WBP1L: variants seen among roughly 807,000 people sequenced by gnomAD.
WBP1L encodes the protein WW domain binding protein 1 like, also known as WW domain binding protein 1-like.
In WBP1L, 17 loss-of-function variants were observed where a neutral mutation model predicts 33.7. The observed-to-expected ratio is 0.50, with a 90% CI of 0.34 to 0.76. The LOEUF (loss-of-function observed/expected upper bound fraction) is 0.76. WBP1L is among the 30% of genes least tolerant of loss of function. The probability of loss-of-function intolerance (pLI) is 0.01; values close to 1 mark genes in which losing one functional copy is unlikely to be tolerated. For missense variants in WBP1L, 389 were observed against 469.4 expected (o/e 0.83, Z 1.58); for synonymous variants, 173 against 190.8 (o/e 0.91, Z 0.77).
intron 3 of WBP1L, among the ~76,000 whole-genome samples, chr10:102,810,417 CCCTGCCTG>C (rs201089631): frequency 8.7e-6 from 1 of 114,506 alleles, no homozygotes; most frequent in African/African-American, 3.2e-5. Flanking sequence ...TTCTTTCTTT[CCCTGCCTG>C]CCTGCCTTTC....
chr10:102,802,283 G>A (rs1345439801), intron 2 of WBP1L, among the ~76,000 whole-genome samples: 3 of 149,374 alleles, frequency 2.0e-5, no homozygotes, highest in African/African-American at 2.5e-5. Flanking sequence ...CTGGGACTAT[G>A]AGTATGTGCC....
At chr10:102,763,129 G>C (rs901516596) in intron 1 of WBP1L, among the ~76,000 whole-genome samples, 1 of 150,550 alleles carries the variant, frequency 6.6e-6, no homozygotes, top group African/African-American at 2.5e-5. Flanking sequence ...ACTTGAGACT[G>C]GGAGGCAGAG....
At chr10:102,779,844 G>A (rs1345736829) in intron 1 of WBP1L, among the ~76,000 whole-genome samples, 1 of 152,240 alleles carries the variant, frequency 6.6e-6, no homozygotes. Context: ...AGGCTTTCCT[G>A]AGAAGCCGAT....
intron 1 of WBP1L, among the ~76,000 whole-genome samples, chr10:102,762,205 A>G (rs1444827157): frequency 6.6e-6 from 1 of 152,128 alleles, no homozygotes; most frequent in Non-Finnish European, 1.5e-5. Context: ...TCAAAAAATG[A>G]AGAAGTAAAA....
Position 102,812,724 on chromosome 10 carries a change from G to T in WBP1L, c.485G>T (p.Gly162Val). 1 of 1,613,980 alleles carries T rather than the reference G, an allele frequency of 6.2e-7. No individual in the cohort carries two copies. The highest frequency in any genetic ancestry group is 1.3e-5 in the African/African-American group (1 of 75,036). Residue 162 changes from glycine (G) to valine (V), a missense_variant, in exon 4 of 4, where the codon GGT becomes GTT. Physicochemically the swap from Gly to Val is moderately radical, Grantham distance 109. Coordinates refer to ENST00000448841, the MANE Select transcript of WBP1L (RefSeq NM_001083913.2). ...QLLPPQCGPA[G>V]GSPPGIDPTR... Reference sequence around the variant, plus strand: ...CTGCCTCCACAGTGTGGCCCTGCAGGTGGCAGTCCCCCGGGCATCGATCCC... The same window carrying T: ...CTGCCTCCACAGTGTGGCCCTGCAGTTGGCAGTCCCCCGGGCATCGATCCC...
At chr10:102,797,952 G>T in intron 1 of WBP1L, 41 bp from the exon 2 acceptor site, 1 of 1,563,636 alleles carries the variant, frequency 6.4e-7, no homozygotes, top group Non-Finnish European at 8.8e-7. Flanking sequence ...GTGTTCAAAA[G>T]CTGTCATTTA....
intron 1 of WBP1L, among the ~76,000 whole-genome samples, chr10:102,761,337 C>T (rs1357681256): frequency 6.7e-6 from 1 of 149,540 alleles, no homozygotes; most frequent in East Asian, 2.0e-4. Context: ...ATGGGGTTTT[C>T]CTGTGTTGAT....
At chr10:102,811,673 G>A (rs1843844795) in intron 3 of WBP1L, among the ~76,000 whole-genome samples, 1 of 152,050 alleles carries the variant, frequency 6.6e-6, no homozygotes, top group Non-Finnish European at 1.5e-5. Flanking sequence ...ATCACACCTA[G>A]CTAATGTTTG....
At chr10:102,784,961 C>T (rs959334425) in intron 1 of WBP1L, among the ~76,000 whole-genome samples, 1 of 151,488 alleles carries the variant, frequency 6.6e-6, no homozygotes, top group African/African-American at 2.4e-5. Context: ...ACTGCAACCT[C>T]CGCCTCCAGG....
intron 2 of WBP1L, among the ~76,000 whole-genome samples, chr10:102,801,620 A>G (rs1250882207): frequency 2.0e-5 from 3 of 152,042 alleles, no homozygotes; most frequent in Admixed American, 6.6e-5. Context: ...CCACTCAGCA[A>G]GCTACATTTT....
At chr10:102,783,652 G>T (rs570272826) in intron 1 of WBP1L, among the ~76,000 whole-genome samples, 1 of 152,356 alleles carries the variant, frequency 6.6e-6, no homozygotes, top group African/African-American at 2.4e-5. Flanking sequence ...GGGATATTTG[G>T]CAGTGTCCAG....
At chr10:102,784,526 C>T (rs531058905) in intron 1 of WBP1L, among the ~76,000 whole-genome samples, 18 of 150,118 alleles carry the variant, frequency 1.2e-4, no homozygotes, top group Non-Finnish European at 2.4e-4. Context: ...CCTGGGTTCA[C>T]GCCTTTCTCC....
intron 1 of WBP1L, among the ~76,000 whole-genome samples, chr10:102,775,765 G>T (rs764417037): frequency 2.0e-5 from 3 of 152,132 alleles, no homozygotes; most frequent in African/African-American, 2.4e-5. Context: ...ACTGAGCACC[G>T]ACTCTGGCAG....
intron 1 of WBP1L, among the ~76,000 whole-genome samples, chr10:102,795,498 C>G (rs532950408): frequency 6.6e-6 from 1 of 152,314 alleles, no homozygotes; most frequent in South Asian, 2.1e-4. Context: ...CCCCCTGCCT[C>G]GGTGCACAGA....
At chr10:102,771,664 TG>T (rs1321577714) in intron 1 of WBP1L, among the ~76,000 whole-genome samples, 1 of 151,766 alleles carries the variant, frequency 6.6e-6, no homozygotes, top group Non-Finnish European at 1.5e-5. Flanking sequence ...AAAAATTAGC[TG>T]GGAGTGGTGG....
chr10:102,807,416 TTGCCAGGCTG>T (rs1181242421), intron 2 of WBP1L, among the ~76,000 whole-genome samples: 3 of 152,068 alleles, frequency 2.0e-5, no homozygotes, highest in Non-Finnish European at 2.9e-5. Flanking sequence ...TCTCACTCGG[TTGCCAGGCTG>T]GAGTGCAGTG....
rs547685939 is a variant in WBP1L at position 102,771,873 on chromosome 10, G to T, written c.91-26120G>T. Among the ~76,000 whole-genome samples, 7 of 152,232 alleles carry T rather than the reference G, an allele frequency of 4.6e-5. 1 individual carries two copies. Among genetic ancestry groups the T allele is most frequent in the African/African-American group, 1.7e-4 (7 of 41,536 alleles). On this transcript the variant is annotated intron_variant, in intron 1 of 3. Transcript: ENST00000448841. ...TATTTCCAGCAGTACTATCTCTGGG[G>T]GTTCTCTGAATTGCAGAGGAGGAGA...
At chr10:102,755,376 C>A (rs1160494564) in intron 1 of WBP1L, among the ~76,000 whole-genome samples, 1 of 151,894 alleles carries the variant, frequency 6.6e-6, no homozygotes, top group East Asian at 1.9e-4. Flanking sequence ...TCTGCCTTAG[C>A]CTCCTGAGTA....
chr10:102,746,608 T>C (rs1462775360), intron 1 of WBP1L, among the ~76,000 whole-genome samples: 1 of 64,568 alleles, frequency 1.5e-5, no homozygotes, highest in Non-Finnish European at 3.5e-5. Context: ...TTGGGTTTTT[T>C]TGGGGGGGGT....
Sources: gnomAD v4.1 joint callset for allele counts (sites outside exome capture counted in the v4.1 genomes callset) on GRCh38, gnomAD v4.1.1 for gene constraint, MANE v1.5 for transcripts, NCBI Gene and HGNC (gene_info 2026-07-23, HGNC 2026-07-21) for gene names.